The following SEC14L2 variants were observed in gnomAD, a reference collection of about 807,000 sequenced individuals.
The protein encoded by SEC14L2 is SEC14-like protein 2.
SEC14L2 carries 50 observed loss-of-function variants against 56.9 expected under a neutral mutation model. The ratio of observed to expected loss-of-function variants is 0.88; its 90% confidence interval spans 0.70 to 1.11. The LOEUF is 1.11. Ranked by LOEUF, SEC14L2 falls within the 50% of genes most tolerant of loss-of-function variation. The pLI, the probability that SEC14L2 is intolerant of heterozygous loss-of-function variation, is 0.00. For missense variants in SEC14L2, 414 were observed against 500.7 expected, an observed-to-expected ratio of 0.83 and a Z score of 1.65; for synonymous variants, 179 against 188.5, an observed-to-expected ratio of 0.95 and a Z score of 0.41.
intron 11 of SEC14L2, chr22:30,416,727 G>A: frequency 2.2e-6 from 3 of 1,351,832 alleles, no homozygotes; most frequent in Non-Finnish European, 2.9e-6. Flanking sequence ...ATATTTCTTG[G>A]GGATGCTCCT....
intron 2 of SEC14L2, among the ~76,000 whole-genome samples, chr22:30,399,973 G>A (rs947834356): frequency 1.3e-5 from 2 of 152,206 alleles, no homozygotes; most frequent in Admixed American, 6.5e-5. Context: ...AGTCCAGGTC[G>A]GCTGACCCTT....
At chr22:30,419,479 G>T (rs1167490348) in intron 11 of SEC14L2, among the ~76,000 whole-genome samples, 1 of 152,198 alleles carries the variant, frequency 6.6e-6, no homozygotes, top group Non-Finnish European at 1.5e-5. Flanking sequence ...GGAGGCGGAG[G>T]TTGCAGTAAG....
intron 1 of SEC14L2, chr22:30,397,474 A>C: frequency 9.9e-6 from 4 of 405,098 alleles, no homozygotes; most frequent in Non-Finnish European, 1.3e-5. Context: ...GGCAACATTC[A>C]TCCTCGGGAC....
chr22:30,397,487 G>A (rs1166132431), intron 1 of SEC14L2: 2 of 394,060 alleles, frequency 5.1e-6, no homozygotes, highest in Non-Finnish European at 9.1e-6. Flanking sequence ...CTCGGGACTG[G>A]CAGCCGGGCC....
At chr22:30,401,159 T>C (rs1933920834) in intron 2 of SEC14L2, among the ~76,000 whole-genome samples, 1 of 151,722 alleles carries the variant, frequency 6.6e-6, no homozygotes, top group Admixed American at 6.6e-5. Flanking sequence ...CGTAGGTCAC[T>C]GCTGCCTTGA....
In SEC14L2 at chr22:30,422,265, G is replaced by C. The variant is rs1934539418; in HGVS notation, c.1082-12G>C. ...CTGCCTGAATGTCTGTCTGGTTTCT[G>C]CCTTCCCTCAGATGTCCTGCGGTTT... is the stretch of plus-strand genomic sequence containing the variant. On this transcript the variant is annotated splice_polypyrimidine_tract_variant and intron_variant, in intron 11 of 11. Coordinates refer to ENST00000615189, the MANE Select transcript of SEC14L2 (RefSeq NM_012429.5). 3.7e-6 allele frequency: 6 copies of C among 1,613,698 alleles called. No homozygotes were observed. The highest frequency in any genetic ancestry group is 3.3e-5 in the Admixed American group (2 of 59,964).
intron 3 of SEC14L2, 72 bp from the exon 4 acceptor site, chr22:30,407,023 A>G: frequency 6.6e-7 from 1 of 1,508,358 alleles, no homozygotes; most frequent in Non-Finnish European, 9.2e-7. Flanking sequence ...AAGTGCTGGG[A>G]TTACAGGTGT....
intron 2 of SEC14L2, among the ~76,000 whole-genome samples, chr22:30,401,620 TCTC>T (rs1230602111): frequency 1.3e-5 from 2 of 151,100 alleles, no homozygotes; most frequent in Non-Finnish European, 2.9e-5. Context: ...TTCAAGCAAT[TCTC>T]CTACCTCAGC....
In SEC14L2 at chr22:30,422,506, C is replaced by A; in HGVS notation, c.*99C>A. 1.3e-6 allele frequency: 2 copies of A among 1,482,470 alleles called. No homozygotes were observed. Among genetic ancestry groups the A allele is most frequent in the Non-Finnish European group, 1.8e-6 (2 of 1,091,836 alleles). The allele number at this position is 1,482,470 out of a possible 1,614,324, so 91.8% of individuals were successfully genotyped here. A position where few individuals can be genotyped will look rare whatever the true frequency, so the allele number is the denominator to read the frequency against. ...CGCACAACCCTGAAGCCCAAAGAAA[C>A]TGGGCTGGAGGACAGACCTCAGGAG... On this transcript the variant is annotated 3_prime_UTR_variant, in exon 12 of 12. Coordinates refer to ENST00000615189, the MANE Select transcript of SEC14L2 (RefSeq NM_012429.5).
At chr22:30,407,249 G>A in intron 4 of SEC14L2, 95 bp downstream of exon 4, 2 of 1,513,830 alleles carry the variant, frequency 1.3e-6, no homozygotes, top group Non-Finnish European at 1.8e-6. Flanking sequence ...TTAGAGGAAA[G>A]GTCTGACAAT....
chr22:30,419,970 T>C (rs1035491389), intron 11 of SEC14L2, among the ~76,000 whole-genome samples: 61 of 151,364 alleles, frequency 4.0e-4, no homozygotes, highest in African/African-American at 1.5e-3. Flanking sequence ...TTTTTTTTTT[T>C]GAGACAGAGT....
At chr22:30,412,318 G>C (rs1934271446) in intron 8 of SEC14L2, among the ~76,000 whole-genome samples, 2 of 152,012 alleles carry the variant, frequency 1.3e-5, no homozygotes, top group African/African-American at 2.4e-5. Context: ...GGAAGCTATA[G>C]ATTTGTTTGT....
In SEC14L2 at chr22:30,397,028, C is replaced by G. The variant is rs566604721; in HGVS notation, c.-89C>G. 1 of 1,224,068 alleles carries G rather than the reference C, an allele frequency of 8.2e-7. No individual in the cohort carries two copies. The highest frequency in any genetic ancestry group is 1.3e-5 in the South Asian group (1 of 77,230). The allele number at this position is 1,224,068 out of a possible 1,614,324, so 75.8% of individuals were successfully genotyped here. On this transcript the variant is annotated 5_prime_UTR_variant, in exon 1 of 12. Transcript: ENST00000615189. The stretch of plus-strand genomic sequence containing the variant: ...CGGGCAAAAGGCTGGGACTTTACTC[C>G]GGGTGGCGGCGAGGACGAGTCTGTG...
Position 30,415,961 on chromosome 22 carries a change from G to T in SEC14L2, c.785G>T (p.Gly262Val). 1 of 1,614,176 alleles carries T rather than the reference G, an allele frequency of 6.2e-7. No individual in the cohort carries two copies. Among genetic ancestry groups the T allele is most frequent in the South Asian group, 1.1e-5 (1 of 91,080 alleles). Residue 262 changes from glycine to valine, a missense_variant, in exon 10 of 12, where the codon GGT (glycine) becomes GTT (valine). Transcript: ENST00000615189. ...CCATGCTTCTAGATCAACTACGGGG[G>T]TGACATCCCCAGGAAGTATTATGTG... Reference protein sequence around the residue: ...PKCKSKINYGGDIPRKYYVRD... With the variant: ...PKCKSKINYGVDIPRKYYVRD...
intron 2 of SEC14L2, among the ~76,000 whole-genome samples, 164 bp from the exon 3 acceptor site, chr22:30,406,178 A>G (rs1934087071): frequency 6.6e-6 from 1 of 151,890 alleles, no homozygotes; most frequent in Admixed American, 6.6e-5. Context: ...AGAAGTTCTC[A>G]GTAAAGGCTC....
chr22:30,412,015 C>A (rs970120136), intron 8 of SEC14L2, among the ~76,000 whole-genome samples: 3 of 152,150 alleles, frequency 2.0e-5, no homozygotes, highest in African/African-American at 7.2e-5. Flanking sequence ...AAAGACCTTA[C>A]ATAGCATGGC....
Position 30,406,367 on chromosome 22 carries a change from G to A in SEC14L2, c.156G>A (p.Ser52=), listed in dbSNP as rs756921293. 3.5e-5 allele frequency: 56 copies of A among 1,614,002 alleles called. No individual in the cohort carries two copies. Among genetic ancestry groups the A allele is most frequent in the East Asian group, 6.7e-5 (3 of 44,886 alleles). The change falls in exon 3 of 12, where the codon TCG becomes TCA. Residue 52 remains serine (S), a synonymous_variant. Transcript: ENST00000615189. The stretch of plus-strand genomic sequence containing the variant: ...CCAGAAGCTTCGACCTGCAGAAGTC[G>A]GAGGCCATGCTCCGGAAGGTGAGAC... The part of the protein sequence containing the change: ...LRARSFDLQK[S]EAMLRKHVEF...
chr22:30,415,724 G>A (rs756596421), intron 8 of SEC14L2, 35 bp from the exon 9 acceptor site: 19 of 1,586,396 alleles, frequency 1.2e-5, no homozygotes, highest in Non-Finnish European at 1.7e-6. Flanking sequence ...CTAGTGTTGA[G>A]ATACATCTTT....
chr22:30,408,574 G>A (rs959374961), intron 5 of SEC14L2, among the ~76,000 whole-genome samples: 1 of 152,210 alleles, frequency 6.6e-6, no homozygotes, highest in African/African-American at 2.4e-5. Flanking sequence ...AACAGGGCTA[G>A]ACCCTGCGCC....
Sources: allele counts gnomAD v4.1 joint callset (sites outside exome capture counted in the v4.1 genomes callset), GRCh38; gene constraint gnomAD v4.1.1; transcripts MANE v1.5; gene names NCBI Gene and HGNC (gene_info 2026-07-23, HGNC 2026-07-21).